NBPF11: variants seen among roughly 807,000 people sequenced by gnomAD.
NBPF11 encodes NBPF family member NBPF11.
In NBPF11, 72 loss-of-function variants were observed where a neutral mutation model predicts 93.9. That is an observed-to-expected ratio of 0.77 (90% CI 0.63 to 0.93). The LOEUF is 0.93. Ranked by LOEUF, NBPF11 falls within the 40% of genes least tolerant of loss-of-function variation. The pLI is 0.00. For synonymous variants in NBPF11, 224 were observed against 304.9 expected (o/e 0.73, Z 2.76); for missense variants, 705 against 802.2 (o/e 0.88, Z 1.46).
intron 4 of NBPF11, among the ~76,000 whole-genome samples, chr1:148,131,264 C>T (rs1359514862): frequency 1.4e-4 from 21 of 150,420 alleles, no homozygotes; most frequent in South Asian, 4.3e-4. Context: ...TAAAGCATGA[C>T]GAAATAACGA....
chr1:148,144,220 C>A (rs1354299016), intron 1 of NBPF11, among the ~76,000 whole-genome samples: 10 of 148,092 alleles, frequency 6.8e-5, no homozygotes, highest in Admixed American at 3.4e-4. Context: ...CTATCTGTAC[C>A]CGTATATTCT....
At chr1:148,144,429 T>A (rs1425393736) in intron 1 of NBPF11, among the ~76,000 whole-genome samples, 51 of 151,596 alleles carry the variant, frequency 3.4e-4, no homozygotes, top group Non-Finnish European at 7.2e-4. Context: ...GAATATGGTA[T>A]TAGTATGTTC....
At chr1:148,111,213 C>T (rs1553268571) in intron 15 of NBPF11, among the ~76,000 whole-genome samples, 1 of 151,996 alleles carries the variant, frequency 6.6e-6, no homozygotes, top group African/African-American at 2.4e-5. Flanking sequence ...TCAACATCAA[C>T]AAAAAAGACA....
rs1212128381 is a variant in NBPF11, at chr1:148,146,757, C to T, written c.-548-3071G>A. 1.1e-3 allele frequency: 1,799 copies of T among 1,612,980 alleles called. 8 individuals are homozygous for T. Among genetic ancestry groups the T allele is most frequent in the Middle Eastern group, 2.6e-3 (14 of 5,338 alleles). On this transcript the variant is annotated intron_variant, in intron 1 of 23. Coordinates refer to ENST00000682118, the MANE Select transcript of NBPF11 (RefSeq NM_001385469.3). ...CGGTCCTCTTCTCGCACGGCAATGCCGTGGACCTGGGCCAGATGAGCAGCT... is the reference window on the plus strand; with the variant it reads ...CGGTCCTCTTCTCGCACGGCAATGCTGTGGACCTGGGCCAGATGAGCAGCT...
intron 15 of NBPF11, among the ~76,000 whole-genome samples, chr1:148,111,684 C>T (rs1339797789): frequency 9.9e-5 from 15 of 151,356 alleles, no homozygotes; most frequent in African/African-American, 2.7e-4. Context: ...TGAAATGAAG[C>T]GAGAAGAGAA....
rs1246638757 is a variant in NBPF11 at position 148,124,506 on chromosome 1, G to A, written c.278+393C>T. On this transcript the variant is annotated intron_variant, in intron 6 of 23. Coordinates refer to ENST00000682118, the MANE Select transcript of NBPF11 (RefSeq NM_001385469.3). ...AAGAAGAAAAGAATGACAGGGTCGA[G>A]AAGGCAACATTGATTGAGTGAAAGA... 7.6e-3 allele frequency among the ~76,000 whole-genome samples: 1,146 copies of A among 150,982 alleles called. 18 individuals are homozygous for A. Among genetic ancestry groups the A allele is most frequent in the African/African-American group, 0.027 (1,118 of 40,704 alleles).
At chr1:148,122,337 C>T (rs1668063005) in intron 8 of NBPF11, 71 bp from the exon 9 acceptor site, 1 of 1,608,222 alleles carries the variant, frequency 6.2e-7, no homozygotes, top group Non-Finnish European at 8.5e-7. Flanking sequence ...GGAGTCCTAG[C>T]TGGTTTTGAC....
At chr1:148,121,782 T>C (rs1328979259) in intron 9 of NBPF11, among the ~76,000 whole-genome samples, 1 of 152,024 alleles carries the variant, frequency 6.6e-6, no homozygotes, top group Non-Finnish European at 1.5e-5. Flanking sequence ...GTTGGGACTA[T>C]AGGCGGGCAG....
At chr1:148,109,188 G>C in intron 17 of NBPF11, 96 bp downstream of exon 17, 2 of 976,042 alleles carry the variant, frequency 2.0e-6, no homozygotes, top group Admixed American at 1.7e-5. Context: ...TGTCTGACAA[G>C]ACAAAATCAT....
intron 21 of NBPF11, 145 bp from the exon 22 acceptor site, chr1:148,105,673 T>C: frequency 1.6e-6 from 1 of 617,064 alleles, no homozygotes; most frequent in Non-Finnish European, 2.8e-6. Flanking sequence ...ATTGCCTTCA[T>C]GTTGGGACAG....
At chr1:148,112,079 G>T (rs1276982354) in intron 15 of NBPF11, among the ~76,000 whole-genome samples, 3 of 135,822 alleles carry the variant, frequency 2.2e-5, no homozygotes, top group African/African-American at 9.6e-5. Flanking sequence ...CAAGCCAGAA[G>T]AGAGTGGGAG....
chr1:148,120,695 G>A lies in NBPF11; in HGVS notation c.794C>T (p.Ser265Phe). Residue 265 changes from serine (S) to phenylalanine (F), a missense_variant, in exon 10 of 24, where the codon TCT (serine) becomes TTT (phenylalanine). By Grantham distance (155) the Ser-to-Phe change is radical. This residue lies in a region of NBPF11 where 262 missense variants were observed against 223.1 expected (regional missense o/e 1.17). Transcript: ENST00000682118. ...LNILPVPGPT[S>F]SATNVSMVVS... ...CACCATGCTGACGTTTGTGGCAGAA[G>A]AGGTGGGGCCAGGGACTGGGGAGAA... 3.3e-6 allele frequency: 5 copies of A among 1,523,518 alleles called. No individual in the cohort carries two copies. The South Asian group carries it at 4.5e-5, about 14-fold the overall frequency. The allele number at this position is 1,523,518 out of a possible 1,614,324, so 94.4% of individuals were successfully genotyped here.
chr1:148,106,773 G>A (rs1168545107), intron 20 of NBPF11, among the ~76,000 whole-genome samples, 169 bp downstream of exon 20: 1 of 148,278 alleles, frequency 6.7e-6, no homozygotes, highest in African/African-American at 2.6e-5. Context: ...CCCATTTCAT[G>A]TCTAGGCTTC....
intron 4 of NBPF11, among the ~76,000 whole-genome samples, chr1:148,131,925 T>A: frequency 9.5e-6 from 1 of 105,572 alleles, no homozygotes; most frequent in Non-Finnish European, 1.9e-5. Flanking sequence ...CATGTGCTAT[T>A]TTCAGCCTTT....
intron 1 of NBPF11, chr1:148,146,944 C>G: frequency 6.3e-7 from 1 of 1,585,892 alleles, no homozygotes; most frequent in South Asian, 1.1e-5. Context: ...CTGGGGGCAG[C>G]TCAGCCTGGG....
chr1:148,108,525 G>T lies in NBPF11; in HGVS notation c.1983C>A (p.Tyr661Ter), dbSNP rs782460788. ...DSCQPYRSAF[Y>*]VLEQQRIGLA... ...AGCCAATACGCTGTTGCTCCAATACGTAAAAGGCACTTCTGTAGGGCTGGC... is the reference window on the plus strand; with the variant it reads ...AGCCAATACGCTGTTGCTCCAATACTTAAAAGGCACTTCTGTAGGGCTGGC... Residue 661 changes from tyrosine to a stop codon, truncating the protein, a stop_gained, in exon 18 of 24, where the codon TAC becomes TAA. Transcript: ENST00000682118. LOFTEE classifies it high-confidence loss of function. 18 of 1,600,064 alleles carry T rather than the reference G, an allele frequency of 1.1e-5. No homozygotes were observed. Among genetic ancestry groups the T allele is most frequent in the African/African-American group, 2.7e-5 (2 of 73,650 alleles).
At chr1:148,108,815 G>T (rs1442619607) in intron 17 of NBPF11, among the ~76,000 whole-genome samples, 161 bp from the exon 18 acceptor site, 2 of 147,432 alleles carry the variant, frequency 1.4e-5, no homozygotes, top group Admixed American at 6.8e-5. Flanking sequence ...ATAGACTAGG[G>T]CCAGGTAGAA....
Position 148,103,672 on chromosome 1 carries a change from T to C in NBPF11, c.*224A>G. ...CTCTCGGCTTAGTAAGGGCTGCTTATTGTGGGAATATGACTCCCATCTGGA... is the reference window on the plus strand; with the variant it reads ...CTCTCGGCTTAGTAAGGGCTGCTTACTGTGGGAATATGACTCCCATCTGGA... On this transcript the variant is annotated 3_prime_UTR_variant, in exon 24 of 24. Coordinates refer to ENST00000682118, the MANE Select transcript of NBPF11 (RefSeq NM_001385469.3). 8 of 1,611,208 alleles carry C rather than the reference T, an allele frequency of 5.0e-6. No individual in the cohort carries two copies. In the South Asian group the frequency reaches 7.7e-5, roughly 15 times the overall value.
chr1:148,115,367 T>C (rs1666249717), intron 14 of NBPF11, among the ~76,000 whole-genome samples: 1 of 149,498 alleles, frequency 6.7e-6, no homozygotes, highest in Non-Finnish European at 1.5e-5. Context: ...TTAAAGGAGA[T>C]CCAGATGAAA....
Sources: gnomAD v4.1 joint callset for allele counts (sites outside exome capture counted in the v4.1 genomes callset) on GRCh38, gnomAD v4.1.1 for gene constraint, gnomAD v4.1.1 regional missense constraint, MANE v1.5 for transcripts, NCBI Gene and HGNC (gene_info 2026-07-23, HGNC 2026-07-21) for gene names.